SFRP1: variants seen among roughly 807,000 people sequenced by gnomAD.
SFRP1 encodes the protein secreted frizzled related protein 1, also known as secreted frizzled-related protein 1.
A neutral mutation model predicts 25.9 loss-of-function variants in SFRP1; 9 were observed. The ratio of observed to expected loss-of-function variants is 0.35; its 90% CI spans 0.21 to 0.61. The LOEUF is 0.61. Ranked by LOEUF, SFRP1 falls within the 20% of genes least tolerant of loss-of-function variation. The pLI is 0.78. For missense variants in SFRP1, 346 were observed against 418.2 expected (o/e 0.83, Z 1.51); for synonymous variants, 178 against 174.0 (o/e 1.02, Z -0.18).
chr8:41,308,602 G>A lies in SFRP1; in HGVS notation c.544+14C>T. The A allele has an allele frequency of 6.4e-7, 1 of 1,565,598 alleles. No homozygotes were observed. Among genetic ancestry groups the A allele is most frequent in the Non-Finnish European group, 8.7e-7 (1 of 1,149,242 alleles). Reference sequence around the variant, plus strand: ...GAGGGGGCGGCTCGCGCACGTGGGAGGAGGCAGCCTTACCTTGGGGCTTGG... The same window carrying A: ...GAGGGGGCGGCTCGCGCACGTGGGAAGAGGCAGCCTTACCTTGGGGCTTGG... On this transcript the variant is annotated intron_variant, in intron 1 of 2. Transcript: ENST00000220772.
At chr8:41,272,816 G>C (rs1014405865) in intron 2 of SFRP1, among the ~76,000 whole-genome samples, 3 of 152,038 alleles carry the variant, frequency 2.0e-5, no homozygotes, top group Non-Finnish European at 4.4e-5. Flanking sequence ...AATAATACAA[G>C]AAAACTTTCC....
intron 2 of SFRP1, among the ~76,000 whole-genome samples, chr8:41,286,107 A>G (rs1364817417): frequency 6.6e-6 from 1 of 152,034 alleles, no homozygotes; most frequent in African/African-American, 2.4e-5. Context: ...ACTTCCAAAG[A>G]GCGTCGGGAA....
chr8:41,266,915 G>A (rs1404164583), intron 2 of SFRP1, among the ~76,000 whole-genome samples: 2 of 152,152 alleles, frequency 1.3e-5, no homozygotes, highest in African/African-American at 4.8e-5. Flanking sequence ...AAACATCAAC[G>A]TCCAACCACA....
intron 2 of SFRP1, among the ~76,000 whole-genome samples, chr8:41,301,483 A>G (rs1354861352): frequency 6.6e-6 from 1 of 152,166 alleles, no homozygotes; most frequent in African/African-American, 2.4e-5. Flanking sequence ...TTATGAGAAC[A>G]TTACAGACAA....
At chr8:41,284,404 C>A (rs1295877519) in intron 2 of SFRP1, among the ~76,000 whole-genome samples, 1 of 132,290 alleles carries the variant, frequency 7.6e-6, no homozygotes, top group African/African-American at 2.9e-5. Flanking sequence ...TGAGCCCCTC[C>A]CACATTGCTG....
chr8:41,266,112 G>A (rs1242831650), intron 2 of SFRP1, among the ~76,000 whole-genome samples: 2 of 151,734 alleles, frequency 1.3e-5, no homozygotes, highest in Non-Finnish European at 2.9e-5. Context: ...GTTGCAGTGA[G>A]CCAAGATCAC....
chr8:41,290,180 G>C (rs930616788), intron 2 of SFRP1, among the ~76,000 whole-genome samples: 1 of 152,212 alleles, frequency 6.6e-6, no homozygotes, highest in Non-Finnish European at 1.5e-5. Flanking sequence ...GTGGTCCCTT[G>C]TGTCCCCCAA....
Position 41,303,485 on chromosome 8 carries a change from C to T in SFRP1, c.598G>A (p.Glu200Lys). 1 of 1,613,898 alleles carries T rather than the reference C, an allele frequency of 6.2e-7. No homozygotes were observed. Among genetic ancestry groups the T allele is most frequent in the Non-Finnish European group, 8.5e-7 (1 of 1,179,926 alleles). Reference protein sequence around the residue: ...DNELKSEAIIEHLCASEFALR... With the variant: ...DNELKSEAIIKHLCASEFALR... ...CCAAACTCGCTGGCACAGAGATGTT[C>T]AATGATGGCCTCAGATTTCAACTCG... The change falls in exon 2 of 3, where the codon GAA becomes AAA. Residue 200 changes from glutamate to lysine, a missense_variant. Transcript: ENST00000220772.
chr8:41,266,555 C>A (rs1232877617), intron 2 of SFRP1, among the ~76,000 whole-genome samples: 1 of 151,930 alleles, frequency 6.6e-6, no homozygotes, highest in Non-Finnish European at 1.5e-5. Context: ...CCCACCTCAG[C>A]CTCCCAAGTA....
intron 2 of SFRP1, among the ~76,000 whole-genome samples, chr8:41,278,715 C>T (rs1217652566): frequency 6.6e-6 from 1 of 152,224 alleles, no homozygotes; most frequent in African/African-American, 2.4e-5. Context: ...GTTGTCTAAG[C>T]TCAAAGACAG....
chr8:41,275,328 C>T (rs1251144734), intron 2 of SFRP1: 5 of 258,510 alleles, frequency 1.9e-5, no homozygotes, highest in African/African-American at 1.1e-4. Context: ...CCAAAAGGTG[C>T]TGTTAAAAAA....
chr8:41,307,169 T>C (rs2117524240), intron 1 of SFRP1, among the ~76,000 whole-genome samples: 1 of 152,352 alleles, frequency 6.6e-6, no homozygotes, highest in South Asian at 2.1e-4. Context: ...GCGCTTTGTT[T>C]GCTCCAGGTA....
In SFRP1 at chr8:41,265,429, T is replaced by C; in HGVS notation, c.683A>G (p.Lys228Arg). The C allele has an allele frequency of 1.2e-6, 2 of 1,612,016 alleles. No homozygotes were observed. The highest frequency in any genetic ancestry group is 1.1e-5 in the South Asian group (1 of 90,420). Residue 228 changes from lysine to arginine, a missense_variant, in exon 3 of 3, where the codon AAG becomes AGG. Physicochemically the swap from Lys to Arg is conservative, Grantham distance 26 (BLOSUM62 2). Coordinates refer to ENST00000220772, the MANE Select transcript of SFRP1 (RefSeq NM_003012.5). ...KENGDKKIVP[K>R]KKKPLKLGPI... ...CCCCAACTTCAGGGGCTTCTTCTTC[T>C]TGGGGACAATCTTCTTGTCGCCATT... is the stretch of plus-strand genomic sequence containing the variant.
At chr8:41,279,409 A>G (rs2117491651) in intron 2 of SFRP1, among the ~76,000 whole-genome samples, 1 of 152,246 alleles carries the variant, frequency 6.6e-6, no homozygotes, top group Non-Finnish European at 1.5e-5. Flanking sequence ...CACCTCTAAC[A>G]GCCTAGAAGG....
chr8:41,300,027 G>A (rs1161456977), intron 2 of SFRP1, among the ~76,000 whole-genome samples: 1 of 152,168 alleles, frequency 6.6e-6, no homozygotes, highest in African/African-American at 2.4e-5. Flanking sequence ...TCTTTGGGAG[G>A]AAACCCAAGG....
At chr8:41,273,823 G>A (rs1008164302) in intron 2 of SFRP1, among the ~76,000 whole-genome samples, 1 of 152,134 alleles carries the variant, frequency 6.6e-6, no homozygotes, top group African/African-American at 2.4e-5. Flanking sequence ...TTTCAGAGGA[G>A]ACTGACATGT....
At chr8:41,286,556 C>T (rs1803704741) in intron 2 of SFRP1, among the ~76,000 whole-genome samples, 1 of 152,146 alleles carries the variant, frequency 6.6e-6, no homozygotes, top group Non-Finnish European at 1.5e-5. Context: ...GTCCATGCTC[C>T]TTGCTGCCAA....
chr8:41,281,476 C>T (rs1803634489), intron 2 of SFRP1, among the ~76,000 whole-genome samples: 1 of 152,224 alleles, frequency 6.6e-6, no homozygotes, highest in African/African-American at 2.4e-5. Context: ...CTTCAGAGCA[C>T]AGAAGGGTTA....
At position 41,265,154 on chromosome 8, in the gene SFRP1, G is replaced by GC; in HGVS notation, c.*12dup. 4.0e-6 allele frequency: 1 copy of GC among 250,508 alleles called. No homozygotes were observed. The highest frequency in any genetic ancestry group is 6.4e-6 in the Non-Finnish European group (1 of 155,126). The allele number at this position is 250,508 out of a possible 1,614,324, so 15.5% of individuals were successfully genotyped here. On this transcript the variant is annotated 3_prime_UTR_variant, in exon 3 of 3. Coordinates refer to ENST00000220772, the MANE Select transcript of SFRP1 (RefSeq NM_003012.5). Reference sequence around the variant, plus strand: ...CCACCCGAGGCTCCCTCCCCACCCTGCCCCCGGGAGAATCACTTAAACACG... The same window carrying GC: ...CCACCCGAGGCTCCCTCCCCACCCTGCCCCCCGGGAGAATCACTTAAACACG...
Sources: allele counts gnomAD v4.1 joint callset (sites outside exome capture counted in the v4.1 genomes callset), GRCh38; gene constraint gnomAD v4.1.1; transcripts MANE v1.5; gene names NCBI Gene and HGNC (gene_info 2026-07-23, HGNC 2026-07-21).